The following IDNK variants were observed in gnomAD, a reference collection of about 807,000 sequenced individuals.
The protein encoded by IDNK is IDNK gluconokinase.
In IDNK, 9 loss-of-function variants were observed where a neutral mutation model predicts 13.0. That is an observed-to-expected ratio of 0.69 (90% CI 0.42 to 1.21). IDNK has a LOEUF of 1.21. Ranked by LOEUF, IDNK falls within the 50% of genes most tolerant of loss-of-function variation. The pLI is 0.00. For synonymous variants in IDNK, 92 were observed against 94.9 expected, an observed-to-expected ratio of 0.97 and a Z score of 0.18; for missense variants, 210 against 237.8, an observed-to-expected ratio of 0.88 and a Z score of 0.77.
chr9:83,623,342 C>A, intron 1 of IDNK, 121 bp downstream of exon 1: 2 of 968,980 alleles, frequency 2.1e-6, no homozygotes, highest in Non-Finnish European at 2.9e-6. Flanking sequence ...CTTCCCTTTG[C>A]AGATGAAGAA....
intron 4 of IDNK, among the ~76,000 whole-genome samples, chr9:83,642,560 C>CAA (rs59605419): frequency 0.039 from 5,137 of 131,908 alleles, 141 homozygotes; most frequent in Non-Finnish European, 0.058. Flanking sequence ...GTATTGGCTG[C>CAA]AAAAAAAAAA....
upstream of IDNK, chr9:83,623,086 G>T: frequency 8.8e-7 from 1 of 1,137,748 alleles, no homozygotes. Flanking sequence ...CCCCGGCCGG[G>T]GCGAGAGCGG....
intron 1 of IDNK, among the ~76,000 whole-genome samples, chr9:83,624,670 T>A (rs1279428602): frequency 6.6e-6 from 1 of 151,598 alleles, no homozygotes; most frequent in African/African-American, 2.4e-5. Context: ...GCAGAGGGAA[T>A]GGCAGGTGCA....
At chr9:83,627,963 T>C (rs116864828) in intron 1 of IDNK, 6 of 1,270,452 alleles carry the variant, frequency 4.7e-6, no homozygotes, top group Admixed American at 6.9e-5. Flanking sequence ...GAGAAAGAAA[T>C]AGTGTTAACT....
At chr9:83,641,470 A>G in intron 3 of IDNK, 78 bp from the exon 4 acceptor site, 1 of 990,614 alleles carries the variant, frequency 1.0e-6, no homozygotes, top group South Asian at 2.0e-5. Flanking sequence ...TGTGAACATG[A>G]TATAACTGTT....
chr9:83,629,036 GT>G, intron 3 of IDNK, 77 bp downstream of exon 3: 18 of 1,167,110 alleles, frequency 1.5e-5, no homozygotes, highest in Non-Finnish European at 2.1e-5. Flanking sequence ...ACTTGCTGTA[GT>G]AGAGTTCGTG....
At chr9:83,638,325 CAAT>C (rs1261162821) in intron 3 of IDNK, among the ~76,000 whole-genome samples, 1 of 151,924 alleles carries the variant, frequency 6.6e-6, no homozygotes, top group Non-Finnish European at 1.5e-5. Flanking sequence ...ATGGATTAAA[CAAT>C]AAACTAGTAC....
chr9:83,641,676 C>T, intron 4 of IDNK, 85 bp downstream of exon 4: 1 of 1,338,256 alleles, frequency 7.5e-7, no homozygotes. Flanking sequence ...AAATACACTC[C>T]TGAAATCACA....
At chr9:83,638,877 G>A (rs1267500741) in intron 3 of IDNK, among the ~76,000 whole-genome samples, 2 of 152,098 alleles carry the variant, frequency 1.3e-5, no homozygotes, top group Non-Finnish European at 2.9e-5. Flanking sequence ...CAGTCTAATG[G>A]AATTTCAAAT....
chr9:83,641,598 G>A lies in IDNK; in HGVS notation c.212+7G>A. 2 of 1,614,006 alleles carry A rather than the reference G, an allele frequency of 1.2e-6. No individual in the cohort carries two copies. The highest frequency in any genetic ancestry group is 1.7e-6 in the Non-Finnish European group (2 of 1,179,982). Reference sequence around the variant, plus strand: ...TGCATGACATTTTACTAAGGTAAGAGACCACCAGGCCTTGGCATAAGCCAA... The same window carrying A: ...TGCATGACATTTTACTAAGGTAAGAAACCACCAGGCCTTGGCATAAGCCAA... On this transcript the variant is annotated splice_region_variant and intron_variant, in intron 4 of 4. Transcript: ENST00000376419.
chr9:83,642,519 G>A (rs1355731862), intron 4 of IDNK, among the ~76,000 whole-genome samples: 1 of 149,172 alleles, frequency 6.7e-6, no homozygotes, highest in Non-Finnish European at 1.5e-5. Context: ...ATAAAAAGGA[G>A]TATGGCTTCA....
chr9:83,634,324 T>C (rs756935383), intron 3 of IDNK, among the ~76,000 whole-genome samples: 1 of 152,252 alleles, frequency 6.6e-6, no homozygotes, highest in Non-Finnish European at 1.5e-5. Flanking sequence ...GCACCTATTT[T>C]TGTTTAAATA....
At chr9:83,626,954 G>C (rs1830869140) in intron 1 of IDNK, 1 of 603,910 alleles carries the variant, frequency 1.7e-6, no homozygotes, top group Non-Finnish European at 2.1e-6. Flanking sequence ...GAAAGAAAGA[G>C]GACCTTTGTT....
intron 4 of IDNK, among the ~76,000 whole-genome samples, chr9:83,642,159 C>T (rs552683085): frequency 1.6e-4 from 24 of 152,226 alleles, no homozygotes; most frequent in African/African-American, 5.3e-4. Flanking sequence ...AACAGGGTCC[C>T]CCCCCAACAG....
At chr9:83,636,614 G>C (rs1359859602) in intron 3 of IDNK, among the ~76,000 whole-genome samples, 3 of 152,050 alleles carry the variant, frequency 2.0e-5, no homozygotes, top group African/African-American at 7.3e-5. Context: ...AGCACATAAA[G>C]TCTCCTCATA....
intron 1 of IDNK, among the ~76,000 whole-genome samples, chr9:83,627,779 T>G (rs1830895659): frequency 6.8e-6 from 1 of 147,586 alleles, no homozygotes; most frequent in Non-Finnish European, 1.5e-5. Flanking sequence ...TGCTGGAGAT[T>G]AAATCCTCCA....
chr9:83,624,922 C>T (rs1364292329), intron 1 of IDNK, among the ~76,000 whole-genome samples: 2 of 152,050 alleles, frequency 1.3e-5, no homozygotes, highest in African/African-American at 4.8e-5. Context: ...ATCATGTTGG[C>T]GAGGCTGGTC....
chr9:83,630,648 C>T (rs919367978), intron 3 of IDNK, among the ~76,000 whole-genome samples: 8 of 152,166 alleles, frequency 5.3e-5, no homozygotes, highest in Non-Finnish European at 8.8e-5. Context: ...TGCCAATAAC[C>T]ATTTCTAAGG....
At chr9:83,628,359 C>A in intron 2 of IDNK, 148 bp downstream of exon 2, 1 of 730,308 alleles carries the variant, frequency 1.4e-6, no homozygotes, top group Non-Finnish European at 2.4e-6. Context: ...TTGGTGATTA[C>A]AAATAGTGAT....
Sources: gnomAD v4.1 joint callset for allele counts (sites outside exome capture counted in the v4.1 genomes callset) on GRCh38, gnomAD v4.1.1 for gene constraint, MANE v1.5 for transcripts, NCBI Gene and HGNC (gene_info 2026-07-23, HGNC 2026-07-21) for gene names.